SMYD3: variants seen among roughly 807,000 people sequenced by gnomAD.
The protein encoded by SMYD3 is SET and MYND domain containing 3.
SMYD3 carries 36 observed loss-of-function variants against 57.7 expected under a neutral mutation model. That is an observed-to-expected ratio of 0.62 (90% CI 0.48 to 0.82). SMYD3 has a LOEUF of 0.82. Among genes scored for constraint, SMYD3 ranks in the 40% least tolerant of loss-of-function variants. The pLI is 0.00. For synonymous variants in SMYD3, 211 were observed against 195.0 expected (o/e 1.08, Z -0.68); for missense variants, 515 against 538.8 (o/e 0.96, Z 0.44).
chr1:246,040,558 A>G (rs2059851629), intron 5 of SMYD3, among the ~76,000 whole-genome samples: 1 of 152,230 alleles, frequency 6.6e-6, no homozygotes. Flanking sequence ...CAGAGAAACA[A>G]TTTAAGTTTA....
chr1:246,125,881 G>A (rs988499619), intron 5 of SMYD3, among the ~76,000 whole-genome samples: 1 of 152,006 alleles, frequency 6.6e-6, no homozygotes, highest in Non-Finnish European at 1.5e-5. Flanking sequence ...AACATAATTT[G>A]TAATTCGAGT....
At chr1:245,859,960 C>A (rs1041596890) in intron 9 of SMYD3, among the ~76,000 whole-genome samples, 4 of 152,214 alleles carry the variant, frequency 2.6e-5, no homozygotes, top group African/African-American at 9.7e-5. Flanking sequence ...TGACACAGTT[C>A]ATGATGTGTC....
rs546799366 is a variant in SMYD3, at chr1:245,955,106, G to A, written c.532-25169C>T. Among the ~76,000 whole-genome samples the A allele has an allele frequency of 1.0e-3, 159 of 151,924 alleles. 1 individual carries two copies. The highest frequency in any genetic ancestry group is 2.0e-3 in the Non-Finnish European group (138 of 67,984). ...TGGGCCCATGTGGTGTTTTGTTTTT[G>A]TTTTTGTTTGAGTCTCGCTCTGTCG... On this transcript the variant is annotated intron_variant, in intron 5 of 11. Coordinates refer to ENST00000490107, the MANE Select transcript of SMYD3 (RefSeq NM_001167740.2).
At chr1:245,767,119 A>G (rs1268787520) in intron 10 of SMYD3, among the ~76,000 whole-genome samples, 2 of 152,160 alleles carry the variant, frequency 1.3e-5, no homozygotes, top group African/African-American at 4.8e-5. Context: ...CATCCACTTC[A>G]TGGTGTAGAG....
chr1:246,427,690 T>C (rs1402407257), intron 1 of SMYD3, among the ~76,000 whole-genome samples: 2 of 151,862 alleles, frequency 1.3e-5, no homozygotes, highest in African/African-American at 4.8e-5. Context: ...ACAGGGAGAC[T>C]CCATCTCTAC....
At chr1:246,001,640 A>G (rs1275850852) in intron 5 of SMYD3, among the ~76,000 whole-genome samples, 1 of 152,290 alleles carries the variant, frequency 6.6e-6, no homozygotes, top group Non-Finnish European at 1.5e-5. Context: ...TAAATGACTA[A>G]CATTTTATGG....
chr1:246,020,642 T>C (rs1430735563), intron 5 of SMYD3, among the ~76,000 whole-genome samples: 2 of 152,214 alleles, frequency 1.3e-5, no homozygotes, highest in African/African-American at 4.8e-5. Context: ...TGTCAGATAG[T>C]ATTCTAAATG....
At chr1:246,259,061 G>C (rs879474437) in intron 5 of SMYD3, among the ~76,000 whole-genome samples, 1 of 152,102 alleles carries the variant, frequency 6.6e-6, no homozygotes, top group Non-Finnish European at 1.5e-5. Context: ...TTCAATTCCA[G>C]AACTGGTTGA....
chr1:246,197,049 A>G (rs1389643906), intron 5 of SMYD3, among the ~76,000 whole-genome samples: 1 of 152,218 alleles, frequency 6.6e-6, no homozygotes, highest in African/African-American at 2.4e-5. Flanking sequence ...CACAGAAATC[A>G]ACTGAAAAAG....
At chr1:245,789,270 C>T (rs554251016) in intron 10 of SMYD3, among the ~76,000 whole-genome samples, 3 of 152,242 alleles carry the variant, frequency 2.0e-5, no homozygotes, top group South Asian at 2.1e-4. Context: ...CAAAGGTCTC[C>T]GTAGCTCCTC....
chr1:245,919,897 G>C (rs577027544), intron 7 of SMYD3, among the ~76,000 whole-genome samples: 14 of 152,312 alleles, frequency 9.2e-5, no homozygotes, highest in African/African-American at 3.1e-4. Flanking sequence ...TCTGACATTA[G>C]AGTAATATAA....
chr1:246,094,788 A>G (rs1277539404), intron 5 of SMYD3, among the ~76,000 whole-genome samples: 1 of 152,104 alleles, frequency 6.6e-6, no homozygotes, highest in Admixed American at 6.5e-5. Context: ...AATACCAGAA[A>G]TCAGTATCAT....
chr1:246,106,148 AT>A (rs569097827), intron 5 of SMYD3, among the ~76,000 whole-genome samples: 144 of 152,246 alleles, frequency 9.5e-4, no homozygotes, highest in African/African-American at 3.4e-3. Context: ...GTTAACCCAT[AT>A]CCGGAAAATT....
intron 5 of SMYD3, among the ~76,000 whole-genome samples, chr1:246,124,136 C>T (rs2061468615): frequency 6.6e-6 from 1 of 152,180 alleles, no homozygotes; most frequent in Non-Finnish European, 1.5e-5. Flanking sequence ...TATCCTATCA[C>T]TATTATTGCA....
rs146518030 is a variant in SMYD3 at position 246,239,367 on chromosome 1, G to A, written c.531+87834C>T. ...GTGGTGTTTGATTTTCTGTCCTTGC[G>A]GTAGTTTGCTAAGAATGATGGTTTC... On this transcript the variant is annotated intron_variant, in intron 5 of 11. Coordinates refer to ENST00000490107, the MANE Select transcript of SMYD3 (RefSeq NM_001167740.2). Among the ~76,000 whole-genome samples the A allele has an allele frequency of 2.3e-3, 351 of 152,130 alleles. 1 individual carries two copies. The highest frequency in any genetic ancestry group is 2.4e-3 in the Non-Finnish European group (163 of 68,012).
intron 5 of SMYD3, among the ~76,000 whole-genome samples, chr1:246,134,447 TA>T (rs1187492348): frequency 6.6e-6 from 1 of 152,084 alleles, no homozygotes; most frequent in Non-Finnish European, 1.5e-5. Context: ...TTTTATACAC[TA>T]AATTTAAATT....
At chr1:245,876,290 A>C (rs1457716347) in intron 8 of SMYD3, among the ~76,000 whole-genome samples, 1 of 152,228 alleles carries the variant, frequency 6.6e-6, no homozygotes, top group Non-Finnish European at 1.5e-5. Flanking sequence ...GAATCACCTC[A>C]GGAGCTGTTA....
chr1:245,972,103 C>A (rs1425399814), intron 5 of SMYD3, among the ~76,000 whole-genome samples: 2 of 152,180 alleles, frequency 1.3e-5, no homozygotes, highest in African/African-American at 4.8e-5. Flanking sequence ...ACAGACCATG[C>A]CCTAGGATGT....
At chr1:246,004,359 G>A (rs1253323234) in intron 5 of SMYD3, among the ~76,000 whole-genome samples, 1 of 152,180 alleles carries the variant, frequency 6.6e-6, no homozygotes, top group Admixed American at 6.5e-5. Flanking sequence ...ACCAATGAAT[G>A]AGCACCAGGG....
Sources: gnomAD v4.1 joint callset for allele counts (sites outside exome capture counted in the v4.1 genomes callset) on GRCh38, gnomAD v4.1.1 for gene constraint, MANE v1.5 for transcripts, NCBI Gene and HGNC (gene_info 2026-07-23, HGNC 2026-07-21) for gene names.